ATRIP: variants seen among roughly 807,000 people sequenced by gnomAD.
The protein encoded by ATRIP is ATR interacting protein.
Under a neutral mutation model 78.1 loss-of-function variants are expected in ATRIP, and 44 were observed. The ratio of observed to expected loss-of-function variants is 0.56; its 90% CI spans 0.44 to 0.72. The LOEUF is 0.72. Ranked by LOEUF, ATRIP falls within the 30% of genes least tolerant of loss-of-function variation. ATRIP has a pLI of 0.00. For missense variants in ATRIP, 927 were observed against 980.2 expected, an observed-to-expected ratio of 0.95 and a Z score of 0.72; for synonymous variants, 388 against 408.9, an observed-to-expected ratio of 0.95 and a Z score of 0.62.
At chr3:48,459,038 A>C (rs770858351) in intron 5 of ATRIP, among the ~76,000 whole-genome samples, 1 of 152,238 alleles carries the variant, frequency 6.6e-6, no homozygotes, top group Non-Finnish European at 1.5e-5. Flanking sequence ...CTGAGGAACA[A>C]ATGGGCTGAT....
intron 10 of ATRIP, 98 bp downstream of exon 10, chr3:48,464,230 T>C: frequency 1.8e-6 from 2 of 1,120,622 alleles, no homozygotes; most frequent in Admixed American, 4.0e-5. Context: ...GGAGCTTTAA[T>C]TCATTTTAGT....
intron 3 of ATRIP, among the ~76,000 whole-genome samples, chr3:48,452,543 A>G (rs760621945): frequency 3.3e-5 from 5 of 152,088 alleles, no homozygotes; most frequent in Admixed American, 6.6e-5. Context: ...AAAATGAACA[A>G]AATTATCCAG....
At chr3:48,449,221 C>G (rs1442136807) in intron 1 of ATRIP, among the ~76,000 whole-genome samples, 2 of 151,850 alleles carry the variant, frequency 1.3e-5, no homozygotes, top group Non-Finnish European at 2.9e-5. Flanking sequence ...TGAGACCAGG[C>G]TGGCCAATAT....
intron 4 of ATRIP, 62 bp downstream of exon 4, chr3:48,454,480 A>G (rs1209459123): frequency 2.3e-6 from 3 of 1,298,734 alleles, no homozygotes; most frequent in Non-Finnish European, 3.3e-6. Context: ...TCTGCATAAC[A>G]GTGTCAGGCT....
At position 48,466,266 on chromosome 3, in the gene ATRIP, A is replaced by T. The variant is rs1391477063; in HGVS notation, c.*712A>T. The T allele has an allele frequency of 8.1e-6, 5 of 618,104 alleles. No homozygotes were observed. Among genetic ancestry groups the T allele is most frequent in the African/African-American group, 1.8e-5 (1 of 54,496 alleles). The allele number at this position is 618,104 out of a possible 1,614,324, so 38.3% of individuals were successfully genotyped here. The stretch of plus-strand genomic sequence containing the variant: ...CTGCTGCCAGCGAGAGCCGCGGGAG[A>T]GTGTGCAGCCGAGTCACTACTGCCT... On this transcript the variant is annotated 3_prime_UTR_variant, in exon 13 of 13. Transcript: ENST00000320211.
In ATRIP at chr3:48,460,366, G is replaced by C. The variant is rs775066454; in HGVS notation, c.1312G>C (p.Ala438Pro). ...GLHCQALQDLAAAKRSGAPGD... is the reference protein window; with the variant it reads ...GLHCQALQDLPAAKRSGAPGD... The stretch of plus-strand genomic sequence containing the variant: ...ACACTGCCAGGCCCTGCAGGACTTG[G>C]CAGCTGCTAAGAGAAGCGGAGCACC... The change falls in exon 8 of 13, where the codon GCA (alanine) becomes CCA (proline). Residue 438 changes from alanine (A) to proline (P), a missense_variant. Physicochemically the swap from Ala to Pro is conservative, Grantham distance 27. Coordinates refer to ENST00000320211, the MANE Select transcript of ATRIP (RefSeq NM_130384.3). 1 of 1,613,360 alleles carries C rather than the reference G, an allele frequency of 6.2e-7. No homozygotes were observed. The highest frequency in any genetic ancestry group is 8.5e-7 in the Non-Finnish European group (1 of 1,179,680).
rs2040254186 is a variant in ATRIP, at chr3:48,465,431, GC to G, written c.2309-53del. 18 of 1,552,372 alleles carry G rather than the reference GC, an allele frequency of 1.2e-5. No individual in the cohort carries two copies. The South Asian group carries it at 1.9e-4, about 16-fold the overall frequency. On this transcript the variant is annotated intron_variant, in intron 12 of 12. Coordinates refer to ENST00000320211, the MANE Select transcript of ATRIP (RefSeq NM_130384.3). ...CGTTGGGGGAGGAGAGGTGGGACCTGCCCTAGGCCCTGGCACCTTTGGGCCC... is the reference window on the plus strand; with the variant it reads ...CGTTGGGGGAGGAGAGGTGGGACCTGCCTAGGCCCTGGCACCTTTGGGCCC...
At chr3:48,447,859 G>T (rs1156875982) in intron 1 of ATRIP, among the ~76,000 whole-genome samples, 1 of 152,126 alleles carries the variant, frequency 6.6e-6, no homozygotes, top group East Asian at 1.9e-4. Context: ...GAAGTAACTA[G>T]CACGACTCTC....
chr3:48,465,448 C>G, intron 12 of ATRIP, 39 bp from the exon 13 acceptor site: 1 of 1,599,372 alleles, frequency 6.3e-7, no homozygotes, highest in Non-Finnish European at 8.6e-7. Flanking sequence ...GCCCTGGCAC[C>G]TTTGGGCCCT....
rs547527528 is a variant in ATRIP, at chr3:48,462,277, A to G, written c.1746-1468A>G. Among the ~76,000 whole-genome samples the G allele has an allele frequency of 4.5e-4, 67 of 149,998 alleles. 1 individual carries two copies. Among genetic ancestry groups the G allele is most frequent in the Non-Finnish European group, 1.2e-4 (8 of 67,816 alleles). On this transcript the variant is annotated intron_variant, in intron 8 of 12. Transcript: ENST00000320211. ...CCTATCTCAAAGAATCCCAGAAACC[A>G]TGTTTTTACTGGTGGTAGACACACC... is the stretch of plus-strand genomic sequence containing the variant.
At chr3:48,464,228 A>C in intron 10 of ATRIP, 96 bp downstream of exon 10, 1 of 1,151,018 alleles carries the variant, frequency 8.7e-7, no homozygotes, top group Non-Finnish European at 1.3e-6. Context: ...ACGGAGCTTT[A>C]ATTCATTTTA....
intron 3 of ATRIP, among the ~76,000 whole-genome samples, chr3:48,453,175 T>G (rs376773460): frequency 9.9e-5 from 15 of 152,258 alleles, no homozygotes; most frequent in African/African-American, 3.6e-4. Context: ...TGAGCCACAA[T>G]GCCCAGCCTG....
At position 48,466,471 on chromosome 3, in the gene ATRIP, C is replaced by T; in HGVS notation, c.*917C>T. The T allele has an allele frequency of 2.5e-6, 4 of 1,613,912 alleles. No individual in the cohort carries two copies. Among genetic ancestry groups the T allele is most frequent in the Non-Finnish European group, 3.4e-6 (4 of 1,180,022 alleles). ...CCCACTAAGGAAACCACCTCACCCT[C>T]TCCAACTTCCTGCCTGAAAATGGGC... On this transcript the variant is annotated 3_prime_UTR_variant, in exon 13 of 13. Coordinates refer to ENST00000320211, the MANE Select transcript of ATRIP (RefSeq NM_130384.3).
chr3:48,449,821 C>T (rs966545064), intron 1 of ATRIP, among the ~76,000 whole-genome samples: 4 of 150,342 alleles, frequency 2.7e-5, no homozygotes, highest in African/African-American at 9.8e-5. Flanking sequence ...ACCTGTAGTC[C>T]CAGCTACACA....
chr3:48,466,259 G>A lies in ATRIP; in HGVS notation c.*705G>A, dbSNP rs571466410. ...CCCGCCACTGCTGCCAGCGAGAGCC[G>A]CGGGAGAGTGTGCAGCCGAGTCACT... is the stretch of plus-strand genomic sequence containing the variant. On this transcript the variant is annotated 3_prime_UTR_variant, in exon 13 of 13. Coordinates refer to ENST00000320211, the MANE Select transcript of ATRIP (RefSeq NM_130384.3). 2.9e-5 allele frequency: 18 copies of A among 615,004 alleles called. No individual in the cohort carries two copies. Among genetic ancestry groups the A allele is most frequent in the Middle Eastern group, 4.4e-4 (1 of 2,276 alleles). 38.1% of individuals were successfully genotyped at this position (615,004 alleles called of 1,614,324 possible).
At chr3:48,450,217 G>C in intron 2 of ATRIP, 47 bp downstream of exon 2, 4 of 1,578,202 alleles carry the variant, frequency 2.5e-6, no homozygotes, top group Non-Finnish European at 3.5e-6. Context: ...ATTCACTTAC[G>C]TGTTTAAAAG....
chr3:48,457,417 G>C lies in ATRIP; in HGVS notation c.829+1G>C. On this transcript the variant is annotated splice_donor_variant, in intron 5 of 12. Coordinates refer to ENST00000320211, the MANE Select transcript of ATRIP (RefSeq NM_130384.3). LOFTEE classifies it high-confidence loss of function. The stretch of plus-strand genomic sequence containing the variant: ...TACAAGCCTCTGGTGGGCAGAGAGG[G>C]TAAGTCCATTAGTCATCTATTGATG... 1 of 1,563,886 alleles carries C rather than the reference G, an allele frequency of 6.4e-7. No homozygotes were observed. The highest frequency in any genetic ancestry group is 8.6e-7 in the Non-Finnish European group (1 of 1,159,514).
chr3:48,464,408 C>T (rs200792418), intron 10 of ATRIP, among the ~76,000 whole-genome samples, 174 bp from the exon 11 acceptor site: 1 of 152,320 alleles, frequency 6.6e-6, no homozygotes, highest in East Asian at 1.9e-4. Context: ...TTGCTGGTGA[C>T]ACATGAGTGC....
intron 4 of ATRIP, among the ~76,000 whole-genome samples, chr3:48,456,406 C>T (rs1186146079): frequency 2.0e-5 from 3 of 151,416 alleles, no homozygotes; most frequent in Non-Finnish European, 4.4e-5. Context: ...TGGTGAAACT[C>T]TATCTCTAGA....
Sources: gnomAD v4.1 joint callset for allele counts (sites outside exome capture counted in the v4.1 genomes callset) on GRCh38, gnomAD v4.1.1 for gene constraint, MANE v1.5 for transcripts, NCBI Gene and HGNC (gene_info 2026-07-23, HGNC 2026-07-21) for gene names.